The following MED27 variants were observed in gnomAD, a reference collection of about 807,000 sequenced individuals.
MED27 encodes mediator complex subunit 27.
Under a neutral mutation model 38.2 loss-of-function variants are expected in MED27, and 30 were observed. That is an observed-to-expected ratio of 0.79 (90% confidence interval 0.59 to 1.07). MED27 has a LOEUF of 1.07. Ranked by LOEUF, MED27 falls within the 50% of genes least tolerant of loss-of-function variation. The pLI, the probability that MED27 is intolerant of heterozygous loss-of-function variation, is 0.00. For synonymous variants in MED27, 122 were observed against 153.5 expected (o/e 0.79, Z 1.52); for missense variants, 289 against 397.5 (o/e 0.73, Z 2.32).
chr9:131,966,517 A>G (rs1253422954), intron 3 of MED27, among the ~76,000 whole-genome samples: 1 of 152,090 alleles, frequency 6.6e-6, no homozygotes, highest in East Asian at 1.9e-4. Flanking sequence ...GTTACATGCT[A>G]TATGGCTAAA....
In MED27 at chr9:131,928,864, T is replaced by C. The variant is rs561670924; in HGVS notation, c.573+10517A>G. 2.7e-4 allele frequency among the ~76,000 whole-genome samples: 41 copies of C among 152,358 alleles called. 3 individuals are homozygous for C. The Middle Eastern group carries it at 0.01, about 38-fold the overall frequency. ...TTATAGCCAGTGGACTAGGGCGGCA[T>C]GTGACCCAGGGAGACAGTAGCCTGG... On this transcript the variant is annotated intron_variant, in intron 4 of 7. Coordinates refer to ENST00000292035, the MANE Select transcript of MED27 (RefSeq NM_004269.4).
intron 2 of MED27, among the ~76,000 whole-genome samples, chr9:132,069,796 G>A (rs1041593685): frequency 1.2e-4 from 19 of 152,208 alleles, no homozygotes; most frequent in African/African-American, 4.6e-4. Flanking sequence ...GATGAGGAAG[G>A]TGAAACCCAG....
intron 2 of MED27, among the ~76,000 whole-genome samples, chr9:132,071,241 G>A (rs1833926641): frequency 6.6e-6 from 1 of 152,186 alleles, no homozygotes; most frequent in East Asian, 1.9e-4. Context: ...ATGTGAGCCA[G>A]AGTGGTCAGG....
At position 132,006,768 on chromosome 9, in the gene MED27, T is replaced by C. The variant is rs181746096; in HGVS notation, c.479+7569A>G. Among the ~76,000 whole-genome samples the C allele has an allele frequency of 3.3e-5, 5 of 152,324 alleles. No homozygotes were observed. The East Asian group carries it at 9.6e-4, about 29-fold the overall frequency. On this transcript the variant is annotated intron_variant, in intron 3 of 7. Transcript: ENST00000292035. ...TAATGAGCTTCATCCTGGCAAGTGT[T>C]TGCCTTGCTCAGTTTAAACAGCAAT...
chr9:132,008,483 C>T (rs1052061478), intron 3 of MED27, among the ~76,000 whole-genome samples: 41 of 152,202 alleles, frequency 2.7e-4, no homozygotes, highest in Admixed American at 1.4e-3. Context: ...GCCCTCTGAA[C>T]GCTAACAAGT....
intron 3 of MED27, among the ~76,000 whole-genome samples, chr9:131,973,483 G>A (rs1225247991): frequency 8.4e-6 from 1 of 118,954 alleles, no homozygotes; most frequent in Middle Eastern, 5.3e-3. Flanking sequence ...TTTTGAGATA[G>A]AGTCTCACTC....
At chr9:131,947,781 C>A (rs1318347132) in intron 3 of MED27, among the ~76,000 whole-genome samples, 1 of 152,154 alleles carries the variant, frequency 6.6e-6, no homozygotes, top group Non-Finnish European at 1.5e-5. Flanking sequence ...AGCACTTACC[C>A]CACACAATGT....
chr9:131,895,201 C>T (rs976941903), intron 4 of MED27, among the ~76,000 whole-genome samples: 34 of 152,172 alleles, frequency 2.2e-4, no homozygotes, highest in African/African-American at 7.7e-4. Context: ...GAGGGGCTCA[C>T]GTAACTCTTC....
chr9:131,961,665 G>A (rs948060691), intron 3 of MED27, among the ~76,000 whole-genome samples: 3 of 152,212 alleles, frequency 2.0e-5, no homozygotes, highest in African/African-American at 4.8e-5. Context: ...GGACAGAACC[G>A]CTGCTTTCGT....
intron 3 of MED27, among the ~76,000 whole-genome samples, chr9:131,943,100 T>C (rs1173757061): frequency 6.6e-6 from 1 of 152,202 alleles, no homozygotes; most frequent in Non-Finnish European, 1.5e-5. Flanking sequence ...TTCAGGAGAT[T>C]GTTTTCCATT....
Position 132,079,656 on chromosome 9 carries a change from G to A in MED27, c.189C>T (p.Val63=). 1.2e-6 allele frequency: 2 copies of A among 1,612,456 alleles called. No individual in the cohort carries two copies. Among genetic ancestry groups the A allele is most frequent in the Middle Eastern group, 2.1e-4 (1 of 4,834 alleles). ...CCGGTACCTACTTGAGGTCCCGGTT[G>A]ACCGAATGTAAGTTGTCCTGGAAGT... The part of the protein sequence containing the change: ...IAHFQDNLHS[V]NRDLNELERL... The change falls in exon 1 of 8, where the codon GTC becomes GTT. Residue 63 remains valine, a synonymous_variant. Transcript: ENST00000292035.
At chr9:132,077,627 T>A (rs1589308384) in intron 1 of MED27, 41 bp from the exon 2 acceptor site, 1 of 1,611,198 alleles carries the variant, frequency 6.2e-7, no homozygotes, top group African/African-American at 1.3e-5. Context: ...CTAAGCCCAT[T>A]TACACTCCAG....
intron 3 of MED27, among the ~76,000 whole-genome samples, chr9:131,971,444 A>G (rs1318528732): frequency 6.6e-6 from 1 of 152,234 alleles, no homozygotes; most frequent in Non-Finnish European, 1.5e-5. Context: ...ACCAGCAATA[A>G]GAGGAGTTTG....
intron 2 of MED27, among the ~76,000 whole-genome samples, chr9:132,032,937 T>C (rs1294669332): frequency 6.6e-6 from 1 of 152,210 alleles, no homozygotes; most frequent in Non-Finnish European, 1.5e-5. Flanking sequence ...GCTTTGAGAA[T>C]TCACCTTTCC....
At chr9:131,992,204 G>A (rs185764356) in intron 3 of MED27, among the ~76,000 whole-genome samples, 2 of 152,218 alleles carry the variant, frequency 1.3e-5, no homozygotes, top group Admixed American at 1.3e-4. Context: ...AAATATCAAT[G>A]TTGATTATAG....
chr9:132,076,119 T>G (rs1834041344), intron 2 of MED27, among the ~76,000 whole-genome samples: 1 of 152,192 alleles, frequency 6.6e-6, no homozygotes, highest in Non-Finnish European at 1.5e-5. Context: ...TTGGAGAGCA[T>G]CAGGACAACA....
At chr9:131,939,127 T>G (rs536590072) in intron 4 of MED27, among the ~76,000 whole-genome samples, 26 of 152,336 alleles carry the variant, frequency 1.7e-4, no homozygotes, top group Admixed American at 5.2e-4. Flanking sequence ...ATTAAGTGAC[T>G]TAAGGTGAAA....
chr9:132,019,509 G>A (rs994282364), intron 2 of MED27, among the ~76,000 whole-genome samples: 2 of 152,070 alleles, frequency 1.3e-5, no homozygotes, highest in Non-Finnish European at 2.9e-5. Flanking sequence ...CTTGAGCTTG[G>A]ACCAAGCTCA....
chr9:131,973,238 G>A lies in MED27; in HGVS notation c.480-33764C>T, dbSNP rs1006507660. Reference sequence around the variant, plus strand: ...CCTCCTTATGAACAAAACCCTGCCTGTGACAATTATCCCCTTTCAGGGAAG... The same window carrying A: ...CCTCCTTATGAACAAAACCCTGCCTATGACAATTATCCCCTTTCAGGGAAG... On this transcript the variant is annotated intron_variant, in intron 3 of 7. Coordinates refer to ENST00000292035, the MANE Select transcript of MED27 (RefSeq NM_004269.4). Among the ~76,000 whole-genome samples the A allele has an allele frequency of 2.6e-5, 4 of 152,104 alleles. No homozygotes were observed. The East Asian group carries it at 7.7e-4, about 29-fold the overall frequency.
Sources: gnomAD v4.1 joint callset for allele counts (sites outside exome capture counted in the v4.1 genomes callset) on GRCh38, gnomAD v4.1.1 for gene constraint, MANE v1.5 for transcripts, NCBI Gene and HGNC (gene_info 2026-07-23, HGNC 2026-07-21) for gene names.